Variants in CDKL5 observed in about 807,000 individuals in gnomAD.
CDKL5 encodes the protein cyclin-dependent kinase-like 5.
CDKL5 carries 8 observed loss-of-function variants against 61.7 expected under a neutral mutation model. That is an observed-to-expected ratio of 0.13 (90% CI 0.08 to 0.23). The LOEUF is 0.23. Ranked by LOEUF, CDKL5 falls within the 10% of genes least tolerant of loss-of-function variation. CDKL5 has a pLI of 1.00. For synonymous variants in CDKL5, 275 were observed against 272.3 expected (o/e 1.01, Z -0.10); for missense variants, 440 against 734.5 (o/e 0.60, Z 4.63).
At chrX:18,505,861 T>C (rs1922559359) in intron 1 of CDKL5, among the ~76,000 whole-genome samples, 1 of 112,869 alleles carries the variant, frequency 8.9e-6, no homozygotes, top group African/African-American at 3.2e-5. Context: ...CTGTTTTCCA[T>C]CAAATTTTCA....
At chrX:18,475,709 T>C (rs1921283076) in intron 1 of CDKL5, among the ~76,000 whole-genome samples, 1 of 112,702 alleles carries the variant, frequency 8.9e-6, no homozygotes, top group African/African-American at 3.2e-5. Flanking sequence ...TATTTTAGCC[T>C]TCTAATACTT....
chrX:18,599,752 G>T (rs1926119942), intron 11 of CDKL5, among the ~76,000 whole-genome samples: 2 of 112,436 alleles, frequency 1.8e-5, no homozygotes, highest in Non-Finnish European at 3.8e-5. Flanking sequence ...ATAGCATCTG[G>T]CTGAAAACAA....
chrX:18,482,836 C>G (rs1250174840), intron 1 of CDKL5, among the ~76,000 whole-genome samples: 1 of 111,283 alleles, frequency 9.0e-6, no homozygotes, highest in Non-Finnish European at 1.9e-5. Context: ...ATTGTTGAGG[C>G]CGAGTAGAAA....
chrX:18,589,360 A>C (rs1212628505), intron 9 of CDKL5: 4 of 109,307 alleles, frequency 3.7e-5, no homozygotes, highest in East Asian at 5.8e-4. Flanking sequence ...CTCATTGTTC[A>C]TTTCCCACCT....
At chrX:18,543,432 T>A (rs1924092524) in intron 3 of CDKL5, among the ~76,000 whole-genome samples, 1 of 110,423 alleles carries the variant, frequency 9.1e-6, no homozygotes. Context: ...GTGTGCCATC[T>A]TCTTTCCATC....
Position 18,506,993 on chromosome X carries a change from A to G in CDKL5, c.-104A>G. On this transcript the variant is annotated 5_prime_UTR_variant, in exon 2 of 18. Transcript: ENST00000623535. Reference sequence around the variant, plus strand: ...ATGTGAAAGTTCCCACCAACCAGTGAGAATTTCTTCCTTCAGACGGTTTTG... The same window carrying G: ...ATGTGAAAGTTCCCACCAACCAGTGGGAATTTCTTCCTTCAGACGGTTTTG... 1.7e-6 allele frequency: 1 copy of G among 589,112 alleles called. No individual in the cohort carries two copies. Among genetic ancestry groups the G allele is most frequent in the South Asian group, 2.4e-5 (1 of 42,337 alleles). 48.5% of individuals were successfully genotyped at this position (589,112 alleles called of 1,213,427 possible). A position where few individuals can be genotyped will look rare whatever the true frequency, so the allele number is the denominator to read the frequency against.
intron 3 of CDKL5, among the ~76,000 whole-genome samples, chrX:18,527,458 G>A (rs1056075263): frequency 3.6e-5 from 4 of 111,543 alleles, no homozygotes; most frequent in African/African-American, 1.3e-4. Flanking sequence ...GTAAATTTTG[G>A]TAATTTGTAT....
chrX:18,483,285 C>G lies in CDKL5; in HGVS notation c.-162-23650C>G, dbSNP rs771513468. On this transcript the variant is annotated intron_variant, in intron 1 of 17. Coordinates refer to ENST00000623535, the MANE Select transcript of CDKL5 (RefSeq NM_001323289.2). ...GAATGAGAAAATAGGCTTGAAGGGA[C>G]TACATAACTTGCTCATGGTCACATA... Among the ~76,000 whole-genome samples, 5 of 111,724 alleles carry G rather than the reference C, an allele frequency of 4.5e-5. No individual in the cohort carries two copies. In the South Asian group the frequency reaches 1.5e-3, roughly 33 times the overall value.
At chrX:18,468,339 A>G (rs1920982155) in intron 1 of CDKL5, among the ~76,000 whole-genome samples, 1 of 112,394 alleles carries the variant, frequency 8.9e-6, no homozygotes, top group African/African-American at 3.2e-5. Context: ...TATAAACTCT[A>G]TAGTAAACTC....
chrX:18,584,790 T>A (rs1925591190), intron 8 of CDKL5, among the ~76,000 whole-genome samples: 2 of 112,178 alleles, frequency 1.8e-5, no homozygotes, highest in African/African-American at 6.5e-5. Flanking sequence ...ACAGCAGCTT[T>A]CAAGCCTTTT....
intron 7 of CDKL5, among the ~76,000 whole-genome samples, chrX:18,583,588 C>T (rs1336870648): frequency 5.4e-5 from 6 of 111,384 alleles, no homozygotes; most frequent in Non-Finnish European, 1.1e-4. Flanking sequence ...CACAGTGAAC[C>T]TATGTTGTGT....
At chrX:18,508,944 T>C (rs1922684922) in intron 2 of CDKL5, among the ~76,000 whole-genome samples, 1 of 109,489 alleles carries the variant, frequency 9.1e-6, no homozygotes, top group Admixed American at 9.9e-5. Flanking sequence ...AATACAAAAA[T>C]TAGCTGGGTG....
At chrX:18,437,636 A>C (rs887077380) in intron 1 of CDKL5, among the ~76,000 whole-genome samples, 1 of 111,840 alleles carries the variant, frequency 8.9e-6, no homozygotes, top group Non-Finnish European at 1.9e-5. Context: ...TAGGAGCACT[A>C]CTCTTCATCA....
chrX:18,447,268 C>T (rs888403720), intron 1 of CDKL5, among the ~76,000 whole-genome samples: 1 of 111,143 alleles, frequency 9.0e-6, no homozygotes, highest in Non-Finnish European at 1.9e-5. Flanking sequence ...TTGCTGCATC[C>T]TCAGGGTCTC....
chrX:18,576,912 G>T (rs899487992), intron 5 of CDKL5, among the ~76,000 whole-genome samples: 20 of 108,076 alleles, frequency 1.9e-4, no homozygotes, highest in African/African-American at 6.8e-4. Flanking sequence ...TAGAGATGGT[G>T]TCTCACTATG....
At chrX:18,493,401 C>T (rs955723945) in intron 1 of CDKL5, among the ~76,000 whole-genome samples, 1 of 111,922 alleles carries the variant, frequency 8.9e-6, no homozygotes, top group Non-Finnish European at 1.9e-5. Flanking sequence ...AACTATAAAC[C>T]CTTAGGTGTA....
rs1422850697 is a variant in CDKL5 at position 18,639,190 on chromosome X, C to T, written c.*10433C>T. On this transcript the variant is annotated 3_prime_UTR_variant, in exon 18 of 18. Transcript: ENST00000623535. ...GCAAAGAGAAAAATAAATTGGACTT[C>T]ATCAAATATTTAAAATTTTGTGCTT... Among the ~76,000 whole-genome samples the T allele has an allele frequency of 1.8e-5, 2 of 112,026 alleles. No homozygotes were observed. Among genetic ancestry groups the T allele is most frequent in the Admixed American group, 9.5e-5 (1 of 10,536 alleles).
chrX:18,647,510 G>GAAAGGAATGAAGGATGAAGT, intron 20 of CDKL5: 1 of 474,619 alleles, frequency 2.1e-6, no homozygotes, highest in Non-Finnish European at 3.7e-6. Flanking sequence ...ACTCACGCAA[G>GAAAGGAATGAAGGATGAAGT]AAAGGAATGA....
At chrX:18,598,392 A>G (rs773672550) in intron 10 of CDKL5, 70 bp from the exon 11 acceptor site, 7 of 883,523 alleles carry the variant, frequency 7.9e-6, no homozygotes, top group South Asian at 6.3e-5. Flanking sequence ...AAGGAAAAAA[A>G]TAAGGTTTTT....
Sources: gnomAD v4.1 joint callset for allele counts (sites outside exome capture counted in the v4.1 genomes callset) on GRCh38, gnomAD v4.1.1 for gene constraint, MANE v1.5 for transcripts, NCBI Gene and HGNC (gene_info 2026-07-23, HGNC 2026-07-21) for gene names.